The following DBF4B variants were observed in gnomAD, a reference collection of about 807,000 sequenced individuals.
DBF4B encodes the protein protein DBF4 homolog B.
A neutral mutation model predicts 53.4 loss-of-function variants in DBF4B; 49 were observed. That is an observed-to-expected ratio of 0.92 (90% confidence interval 0.73 to 1.16). The LOEUF (loss-of-function observed/expected upper bound fraction) is 1.16. DBF4B is among the 50% of genes most tolerant of loss of function. The probability of loss-of-function intolerance (pLI) is 0.00; values close to 1 mark genes in which losing one functional copy is unlikely to be tolerated. For missense variants in DBF4B, 692 were observed against 775.0 expected, an observed-to-expected ratio of 0.89 and a Z score of 1.27; for synonymous variants, 257 against 288.7, an observed-to-expected ratio of 0.89 and a Z score of 1.11.
chr17:44,721,216 T>TTTC (rs1973808381), intron 2 of DBF4B, among the ~76,000 whole-genome samples: 1 of 118,036 alleles, frequency 8.5e-6, no homozygotes, highest in Admixed American at 8.1e-5. Flanking sequence ...AACTAATTCT[T>TTTC]CCCCCCCCCT....
chr17:44,750,098 C>T lies in DBF4B; in HGVS notation c.1190-497C>T, dbSNP rs1308443860. On this transcript the variant is annotated intron_variant, in intron 13 of 13. Transcript: ENST00000315005. ...CAGCTTGAGCTGCCTGCCCGAAGTT[C>T]GGCTGTTCCGGGGCCAGTGTGTCAC... 6 of 995,392 alleles carry T rather than the reference C, an allele frequency of 6.0e-6. No individual in the cohort carries two copies. The South Asian group carries it at 1.8e-4, about 30-fold the overall frequency. 61.7% of individuals were successfully genotyped at this position (995,392 alleles called of 1,614,324 possible). A position where few individuals can be genotyped will look rare whatever the true frequency, so the allele number is the denominator to read the frequency against.
chr17:44,746,831 A>G (rs565885171), intron 10 of DBF4B, among the ~76,000 whole-genome samples: 23 of 151,652 alleles, frequency 1.5e-4, no homozygotes, highest in East Asian at 9.7e-4. Context: ...AAAAAAAAAA[A>G]AGAGAGAGAG....
At chr17:44,748,198 G>T in intron 12 of DBF4B, 143 bp from the exon 13 acceptor site, 2 of 1,118,768 alleles carry the variant, frequency 1.8e-6, no homozygotes, top group East Asian at 2.4e-5. Context: ...CCAAACAGGA[G>T]GACTTTCACA....
At chr17:44,725,575 T>C (rs1974239444) in intron 3 of DBF4B, among the ~76,000 whole-genome samples, 1 of 151,940 alleles carries the variant, frequency 6.6e-6, no homozygotes, top group South Asian at 2.1e-4. Context: ...GTACCCATTA[T>C]CAGTCACTCC....
chr17:44,732,180 G>T lies in DBF4B; in HGVS notation c.471G>T (p.Gly157=). ...CTGACTCTGTGTTGTAATTTCAGGG[G>T]AGCATCAGTGGAGGAGGCAGTGGGG... is the stretch of plus-strand genomic sequence containing the variant. The part of the protein sequence containing the change: ...ELLQKAIRNQ[G]SISGGGSGGS... Residue 157 remains glycine, a splice_region_variant and synonymous_variant, in exon 6 of 14, where the codon GGG becomes GGT. Coordinates refer to ENST00000315005, the MANE Select transcript of DBF4B (RefSeq NM_145663.3). 6.2e-7 allele frequency: 1 copy of T among 1,614,006 alleles called. No homozygotes were observed. The highest frequency in any genetic ancestry group is 1.1e-5 in the South Asian group (1 of 91,042).
rs917634204 is a variant in DBF4B at position 44,751,680 on chromosome 17, C to T, written c.*427C>T. ...CCACCTTCTGTTCTCTGGCTCCTTC[C>T]TGCGGTCTATACCTACCGCCTCCTC... On this transcript the variant is annotated 3_prime_UTR_variant, in exon 14 of 14. Transcript: ENST00000315005. 4 of 1,408,306 alleles carry T rather than the reference C, an allele frequency of 2.8e-6. No individual in the cohort carries two copies. The highest frequency in any genetic ancestry group is 3.7e-6 in the Non-Finnish European group (4 of 1,083,720). The allele number at this position is 1,408,306 out of a possible 1,614,324, so 87.2% of individuals were successfully genotyped here.
intron 3 of DBF4B, among the ~76,000 whole-genome samples, chr17:44,725,138 AACATTAGCTGGGGGCAGTGGC>A (rs1974200768): frequency 6.6e-6 from 1 of 151,500 alleles, no homozygotes; most frequent in African/African-American, 2.4e-5. Flanking sequence ...AAAAAAAAAA[AACATTAGCTGGGGGCAGTGGC>A]ACATGCCTGT....
At chr17:44,730,944 C>T in intron 4 of DBF4B, 21 bp from the exon 5 acceptor site, 1 of 1,613,578 alleles carries the variant, frequency 6.2e-7, no homozygotes, top group Non-Finnish European at 8.5e-7. Flanking sequence ...GCAGACCTCA[C>T]TGCTCTTCTG....
In DBF4B at chr17:44,747,094, A is replaced by G; in HGVS notation, c.842A>G (p.Asp281Gly). 2 of 1,614,108 alleles carry G rather than the reference A, an allele frequency of 1.2e-6. No individual in the cohort carries two copies. The highest frequency in any genetic ancestry group is 1.7e-6 in the Non-Finnish European group (2 of 1,180,006). Reference protein sequence around the residue: ...GSMHHTRESKDGEPSPRSAAH... With the variant: ...GSMHHTRESKGGEPSPRSAAH... ...TGTACCCTCCCCAGAGAATCCAAGG[A>G]TGGAGAGCCAAGCCCACGATCAGCT... Residue 281 changes from aspartate (D) to glycine (G), a missense_variant, in exon 11 of 14, where the codon GAT becomes GGT. Asp to Gly is a moderately conservative substitution (Grantham distance 94). Transcript: ENST00000315005.
At position 44,749,441 on chromosome 17, in the gene DBF4B, C is replaced by G; in HGVS notation, c.1189+976C>G. The G allele has an allele frequency of 2.3e-6, 3 of 1,289,324 alleles. No homozygotes were observed. The highest frequency in any genetic ancestry group is 3.0e-6 in the Non-Finnish European group (3 of 988,794). The allele number at this position is 1,289,324 out of a possible 1,614,324, so 79.9% of individuals were successfully genotyped here. ...TGACCAGGACGCAGGAGGGGCAGAA[C>G]CCCAGGACTTCCCCAAAAGAGCTAG... is the stretch of plus-strand genomic sequence containing the variant. On this transcript the variant is annotated intron_variant, in intron 13 of 13. Coordinates refer to ENST00000315005, the MANE Select transcript of DBF4B (RefSeq NM_145663.3). The surrounding 1 kb of genome is among the most constrained non-coding windows in gnomAD (Gnocchi z 4.4).
intron 8 of DBF4B, 121 bp downstream of exon 8, chr17:44,736,987 CT>C (rs1352522608): frequency 8.2e-7 from 1 of 1,220,722 alleles, no homozygotes; most frequent in Admixed American, 2.0e-5. Context: ...TCCAGGTTAT[CT>C]TGCCCCTTTG....
chr17:44,751,535 A>AAGATGGT lies in DBF4B; in HGVS notation c.*282_*283insAGATGGT. ...GGCCCTCCAGCCCACCTCGCCAACC[A>AAGATGGT]CTCTTGTTGGTTTCCTTCTCAGACT... On this transcript the variant is annotated 3_prime_UTR_variant, in exon 14 of 14. Coordinates refer to ENST00000315005, the MANE Select transcript of DBF4B (RefSeq NM_145663.3). The AAGATGGT allele has an allele frequency of 7.7e-7, 1 of 1,293,236 alleles. No homozygotes were observed. Among genetic ancestry groups the AAGATGGT allele is most frequent in the Non-Finnish European group, 9.8e-7 (1 of 1,023,018 alleles). 80.1% of individuals were successfully genotyped at this position (1,293,236 alleles called of 1,614,324 possible).
intron 2 of DBF4B, among the ~76,000 whole-genome samples, chr17:44,709,874 A>G (rs536213984): frequency 1.3e-5 from 2 of 151,758 alleles, no homozygotes; most frequent in Admixed American, 6.6e-5. Flanking sequence ...CTGCCCCTTT[A>G]GTTAATATCA....
chr17:44,719,514 A>T lies in DBF4B; in HGVS notation c.83-3366A>T, dbSNP rs185967552. On this transcript the variant is annotated intron_variant, in intron 2 of 13. Transcript: ENST00000315005. ...GTTTCTATAAATTTGCCTCTTCTGG[A>T]CATTTCATATAAATAGAGTCATAAA... Among the ~76,000 whole-genome samples the T allele has an allele frequency of 1.8e-3, 272 of 152,284 alleles. 1 individual carries two copies. The highest frequency in any genetic ancestry group is 2.9e-3 in the Non-Finnish European group (200 of 68,026).
rs998694050 is a variant in DBF4B, at chr17:44,721,221, C to CA, written c.83-1659_83-1658insA. On this transcript the variant is annotated intron_variant, in intron 2 of 13. Transcript: ENST00000315005. The stretch of plus-strand genomic sequence containing the variant: ...CATTATCTCCAACTAATTCTTCCCC[C>CA]CCCCTCCCCTTTTTTGCGACAGAAT... Among the ~76,000 whole-genome samples, 5 of 126,212 alleles carry CA rather than the reference C, an allele frequency of 4.0e-5. No homozygotes were observed. In the East Asian group the frequency reaches 6.7e-4, roughly 17 times the overall value. 82.8% of individuals were successfully genotyped at this position (126,212 alleles called of 152,430 possible). A position where few individuals can be genotyped will look rare whatever the true frequency, so the allele number is the denominator to read the frequency against.
Position 44,750,588 on chromosome 17 carries a change from C to G in DBF4B, c.1190-7C>G. 6.2e-7 allele frequency: 1 copy of G among 1,602,498 alleles called. No individual in the cohort carries two copies. Among genetic ancestry groups the G allele is most frequent in the Non-Finnish European group, 8.5e-7 (1 of 1,172,256 alleles). ...TGCCATATGTCGGTCCTTGATCTGC[C>G]CTCCAGTGACCCAAGGCAGGGCTGC... On this transcript the variant is annotated splice_polypyrimidine_tract_variant and splice_region_variant and intron_variant, in intron 13 of 13. Transcript: ENST00000315005.
At chr17:44,735,396 G>T (rs1170622186) in intron 7 of DBF4B, among the ~76,000 whole-genome samples, 3 of 152,178 alleles carry the variant, frequency 2.0e-5, no homozygotes, top group African/African-American at 7.2e-5. Flanking sequence ...TTGTAGGCCG[G>T]GCACAGTGGC....
intron 2 of DBF4B, among the ~76,000 whole-genome samples, chr17:44,718,636 A>G (rs1375189498): frequency 2.6e-5 from 4 of 152,012 alleles, no homozygotes. Flanking sequence ...GTATGTTATC[A>G]GGAGGCACAT....
At chr17:44,722,357 C>T (rs1473839921) in intron 2 of DBF4B, among the ~76,000 whole-genome samples, 1 of 152,174 alleles carries the variant, frequency 6.6e-6, no homozygotes, top group Non-Finnish European at 1.5e-5. Flanking sequence ...AGTTCACTGT[C>T]CCCTTTTCCT....
Sources: allele counts gnomAD v4.1 joint callset (sites outside exome capture counted in the v4.1 genomes callset), GRCh38; gene constraint gnomAD v4.1.1; non-coding constraint Gnocchi (gnomAD v3.1); transcripts MANE v1.5; gene names NCBI Gene and HGNC (gene_info 2026-07-23, HGNC 2026-07-21).